CAP2: variants seen among roughly 807,000 people sequenced by gnomAD.
CAP2 encodes cyclase associated actin cytoskeleton regulatory protein 2, also known as adenylyl cyclase-associated protein 2.
In CAP2, 24 loss-of-function variants were observed where a neutral mutation model predicts 57.7. The observed-to-expected ratio is 0.42, with a 90% CI of 0.30 to 0.58. CAP2 has a LOEUF of 0.58. CAP2 is among the 20% of genes least tolerant of loss of function. The pLI is 0.22. For missense variants in CAP2, 501 were observed against 590.3 expected, an observed-to-expected ratio of 0.85 and a Z score of 1.57; for synonymous variants, 194 against 207.2, an observed-to-expected ratio of 0.94 and a Z score of 0.55.
intron 4 of CAP2, among the ~76,000 whole-genome samples, chr6:17,499,400 A>T (rs1228324412): frequency 7.6e-6 from 1 of 131,890 alleles, no homozygotes; most frequent in South Asian, 2.2e-4. Flanking sequence ...CTCCATCTCA[A>T]AAAAAAAAAA....
At position 17,541,064 on chromosome 6, in the gene CAP2, C is replaced by T. The variant is rs536867877; in HGVS notation, c.918C>T (p.His306=). ...AAACTCAATCTCCCACCAAAAGTCA[C>T]ACTCCAAGTCCCACATCTCCTAAAT... The part of the protein sequence containing the change: ...GGQTQSPTKS[H]TPSPTSPKSY... Residue 306 remains histidine, a synonymous_variant, in exon 9 of 13, where the codon CAC becomes CAT. Transcript: ENST00000229922. 10 of 1,614,112 alleles carry T rather than the reference C, an allele frequency of 6.2e-6. No homozygotes were observed. In the East Asian group the frequency reaches 2.0e-4, roughly 32 times the overall value.
chr6:17,454,351 A>G (rs1364534880), intron 3 of CAP2, among the ~76,000 whole-genome samples: 1 of 152,096 alleles, frequency 6.6e-6, no homozygotes, highest in Non-Finnish European at 1.5e-5. Context: ...GCAAAATTCT[A>G]GACTCATCCA....
In CAP2 at chr6:17,408,385, C is replaced by T. The variant is rs116692787; in HGVS notation, c.-1-13170C>T. The stretch of plus-strand genomic sequence containing the variant: ...TTTTAACAACCAGCTCTCCTGGGAA[C>T]GAATAGAGCAAGAATTCACTCTTGT... On this transcript the variant is annotated intron_variant, in intron 1 of 12. Coordinates refer to ENST00000229922, the MANE Select transcript of CAP2 (RefSeq NM_006366.3). Among the ~76,000 whole-genome samples, 659 of 152,206 alleles carry T rather than the reference C, an allele frequency of 4.3e-3. 6 individuals carry two copies. Among genetic ancestry groups the T allele is most frequent in the African/African-American group, 0.015 (611 of 41,496 alleles).
intron 4 of CAP2, among the ~76,000 whole-genome samples, chr6:17,472,601 C>T (rs1330130752): frequency 6.6e-6 from 1 of 152,106 alleles, no homozygotes; most frequent in Non-Finnish European, 1.5e-5. Flanking sequence ...TTTCCTTTTC[C>T]TATGAGCCTT....
At chr6:17,438,835 G>T (rs560597880) in intron 3 of CAP2, among the ~76,000 whole-genome samples, 6 of 149,044 alleles carry the variant, frequency 4.0e-5, no homozygotes, top group African/African-American at 1.5e-4. Context: ...TTTTTCTGCC[G>T]GGCGCGGTGG....
chr6:17,471,317 T>C (rs1404111205), intron 4 of CAP2, among the ~76,000 whole-genome samples: 1 of 152,250 alleles, frequency 6.6e-6, no homozygotes, highest in East Asian at 1.9e-4. Context: ...ATATGACAGA[T>C]AACATAATGC....
intron 4 of CAP2, among the ~76,000 whole-genome samples, chr6:17,475,164 C>G (rs1664840262): frequency 6.7e-6 from 1 of 148,414 alleles, no homozygotes; most frequent in South Asian, 2.1e-4. Context: ...CACTGCACTT[C>G]AGCCTGCGCA....
chr6:17,514,971 G>A (rs568594065), intron 7 of CAP2, among the ~76,000 whole-genome samples: 1 of 152,198 alleles, frequency 6.6e-6, no homozygotes, highest in African/African-American at 2.4e-5. Context: ...GCCAAGGTGA[G>A]TGGATCACCC....
At chr6:17,522,513 G>A (rs1479921676) in intron 7 of CAP2, among the ~76,000 whole-genome samples, 3 of 152,212 alleles carry the variant, frequency 2.0e-5, no homozygotes, top group African/African-American at 7.2e-5. Context: ...GGCACGAAGA[G>A]CCACAAAAGG....
intron 4 of CAP2, among the ~76,000 whole-genome samples, chr6:17,492,950 A>G (rs1338155037): frequency 6.6e-6 from 1 of 152,206 alleles, no homozygotes; most frequent in Non-Finnish European, 1.5e-5. Flanking sequence ...TAAAAAGAAC[A>G]AGAAAACATG....
chr6:17,395,733 A>T (rs1758648966), intron 1 of CAP2, among the ~76,000 whole-genome samples: 1 of 152,168 alleles, frequency 6.6e-6, no homozygotes, highest in African/African-American at 2.4e-5. Flanking sequence ...TTAATTTATT[A>T]TGTAACATTT....
At chr6:17,394,524 C>T (rs1181548443) in intron 1 of CAP2, among the ~76,000 whole-genome samples, 1 of 152,156 alleles carries the variant, frequency 6.6e-6, no homozygotes, top group Non-Finnish European at 1.5e-5. Context: ...GTATGGGTGA[C>T]TGCATTTAGG....
intron 8 of CAP2, among the ~76,000 whole-genome samples, chr6:17,540,543 G>T (rs990343915): frequency 2.6e-5 from 4 of 152,020 alleles, no homozygotes; most frequent in African/African-American, 9.7e-5. Context: ...CTGAGGTCAG[G>T]AGTTCAAAGA....
intron 3 of CAP2, among the ~76,000 whole-genome samples, chr6:17,432,401 C>G (rs993452324): frequency 6.6e-5 from 10 of 152,348 alleles, no homozygotes; most frequent in African/African-American, 2.4e-4. Flanking sequence ...CACCTCCCCA[C>G]TCTGCCTTCA....
At chr6:17,465,357 A>G (rs902428802) in intron 4 of CAP2, among the ~76,000 whole-genome samples, 1 of 152,024 alleles carries the variant, frequency 6.6e-6, no homozygotes, top group African/African-American at 2.4e-5. Flanking sequence ...GCCTGGCTCT[A>G]TTGAATTCTT....
chr6:17,556,509 A>G lies in CAP2; in HGVS notation c.*67A>G. The G allele has an allele frequency of 1.7e-6, 2 of 1,157,894 alleles. No individual in the cohort carries two copies. Among genetic ancestry groups the G allele is most frequent in the Non-Finnish European group, 2.6e-6 (2 of 764,722 alleles). 71.7% of individuals were successfully genotyped at this position (1,157,894 alleles called of 1,614,324 possible). On this transcript the variant is annotated 3_prime_UTR_variant, in exon 13 of 13. Coordinates refer to ENST00000229922, the MANE Select transcript of CAP2 (RefSeq NM_006366.3). ...TCAAACAAACAAAAAAGCAGCAGTA[A>G]AGAGCTAGAAGTTGCAGTAGCCCCT...
intron 4 of CAP2, among the ~76,000 whole-genome samples, chr6:17,498,725 TTTTA>T (rs1396070970): frequency 2.6e-5 from 4 of 152,030 alleles, no homozygotes; most frequent in East Asian, 1.9e-4. Flanking sequence ...ATTTTATTTA[TTTTA>T]TTTATTTATA....
intron 3 of CAP2, among the ~76,000 whole-genome samples, chr6:17,443,919 A>G (rs1760168140): frequency 1.3e-5 from 2 of 152,240 alleles, no homozygotes; most frequent in Admixed American, 1.3e-4. Flanking sequence ...TGTATCAAAT[A>G]TAAGATGTTT....
intron 3 of CAP2, among the ~76,000 whole-genome samples, chr6:17,445,343 G>T (rs1760227699): frequency 6.6e-6 from 1 of 152,228 alleles, no homozygotes; most frequent in African/African-American, 2.4e-5. Flanking sequence ...CTGACCTCAG[G>T]TGATCCACCC....
Sources: allele counts gnomAD v4.1 joint callset (sites outside exome capture counted in the v4.1 genomes callset), GRCh38; gene constraint gnomAD v4.1.1; transcripts MANE v1.5; gene names NCBI Gene and HGNC (gene_info 2026-07-23, HGNC 2026-07-21).